SEL1L3: variants seen among roughly 807,000 people sequenced by gnomAD.
The protein encoded by SEL1L3 is protein sel-1 homolog 3.
Under a neutral mutation model 142.8 loss-of-function variants are expected in SEL1L3, and 76 were observed. The ratio of observed to expected loss-of-function variants is 0.53; its 90% CI spans 0.44 to 0.64. SEL1L3 has a LOEUF of 0.64. Ranked by LOEUF, SEL1L3 falls within the 30% of genes least tolerant of loss-of-function variation. SEL1L3 has a pLI of 0.00. For synonymous variants in SEL1L3, 504 were observed against 519.6 expected (o/e 0.97, Z 0.41); for missense variants, 1,262 against 1,381.7 (o/e 0.91, Z 1.37).
intron 9 of SEL1L3, among the ~76,000 whole-genome samples, chr4:25,806,826 T>A (rs980796071): frequency 4.6e-5 from 7 of 151,868 alleles, no homozygotes; most frequent in Non-Finnish European, 7.4e-5. Flanking sequence ...GTATTTTTTT[T>A]AAACTCCCCA....
intron 10 of SEL1L3, among the ~76,000 whole-genome samples, chr4:25,802,868 TA>T (rs1478657727): frequency 6.6e-6 from 1 of 152,110 alleles, no homozygotes; most frequent in African/African-American, 2.4e-5. Context: ...CTTGCCTTTT[TA>T]AAAAAATAAT....
At position 25,841,169 on chromosome 4, in the gene SEL1L3, A is replaced by G. The variant is rs376743607; in HGVS notation, c.734-5846T>C. Among the ~76,000 whole-genome samples the G allele has an allele frequency of 2.0e-5, 3 of 152,130 alleles. No homozygotes were observed. The South Asian group carries it at 6.2e-4, about 32-fold the overall frequency. ...CACCTCAGCCCCCCAAGTAGCTGGG[A>G]CCACAGATGCATGCCACCATGCCTG... is the stretch of plus-strand genomic sequence containing the variant. On this transcript the variant is annotated intron_variant, in intron 2 of 23. Coordinates refer to ENST00000399878, the MANE Select transcript of SEL1L3 (RefSeq NM_015187.5).
At chr4:25,733,791 C>G in the SEL1L3 span, among the ~76,000 whole-genome samples, 1 of 151,900 alleles carries the variant, frequency 6.6e-6, no homozygotes, top group African/African-American at 2.4e-5. Flanking sequence ...CTGGGATTAC[C>G]GATGTGAGCC....
intron 17 of SEL1L3, among the ~76,000 whole-genome samples, chr4:25,768,114 C>T (rs1029898305): frequency 6.6e-6 from 1 of 152,220 alleles, no homozygotes; most frequent in African/African-American, 2.4e-5. Context: ...GAGTTGTCTA[C>T]TAGCCTTCAG....
intron 1 of SEL1L3, 134 bp downstream of exon 1, chr4:25,862,541 G>C (rs913482975): frequency 5.1e-5 from 22 of 432,446 alleles, no homozygotes; most frequent in Non-Finnish European, 8.1e-5. Context: ...GGAACGCCCG[G>C]GGCGCAGCGA....
chr4:25,811,944 AG>A (rs1433083936), intron 9 of SEL1L3, among the ~76,000 whole-genome samples: 2 of 152,204 alleles, frequency 1.3e-5, no homozygotes, highest in Admixed American at 6.5e-5. Flanking sequence ...ATGGACCCGG[AG>A]GATAGGTTCG....
At chr4:25,811,462 T>C in intron 9 of SEL1L3, among the ~76,000 whole-genome samples, 1 of 151,338 alleles carries the variant, frequency 6.6e-6, no homozygotes, top group African/African-American at 2.5e-5. Context: ...GCAGAGTAAG[T>C]CCATAGAACT....
intron 1 of SEL1L3, among the ~76,000 whole-genome samples, chr4:25,849,509 G>C (rs924891812): frequency 2.1e-4 from 32 of 152,192 alleles, no homozygotes; most frequent in African/African-American, 7.7e-4. Flanking sequence ...GGAGAAAAGA[G>C]GTTACCAGGG....
At position 25,835,211 on chromosome 4, in the gene SEL1L3, C is replaced by T. The variant is rs761266053; in HGVS notation, c.846G>A (p.Arg282=). 222 of 1,613,902 alleles carry T rather than the reference C, an allele frequency of 1.4e-4. No homozygotes were observed. Among genetic ancestry groups the T allele is most frequent in the Non-Finnish European group, 1.2e-4 (143 of 1,179,894 alleles). The change falls in exon 3 of 24, where the codon AGG becomes AGA. Residue 282 remains arginine, a synonymous_variant. Transcript: ENST00000399878. ...NRELEATRRQ[R]MDYPVFTVSL... is the part of the protein sequence containing the mutation. ...CCCATCCTTACACTGGGTAATCCAT[C>T]CTCTGGCGTCGAGTGGCCTCCAGCT...
chr4:25,790,373 A>G (rs2109191083), intron 12 of SEL1L3, 82 bp downstream of exon 12: 1 of 1,323,270 alleles, frequency 7.6e-7, no homozygotes, highest in Non-Finnish European at 1.1e-6. Context: ...AAGCCACTGC[A>G]GTTTGAGATG....
At chr4:25,856,991 A>G (rs1337372352) in intron 1 of SEL1L3, among the ~76,000 whole-genome samples, 2 of 152,196 alleles carry the variant, frequency 1.3e-5, no homozygotes, top group African/African-American at 4.8e-5. Flanking sequence ...GTATGACAAG[A>G]AAACAATAAC....
intron 17 of SEL1L3, among the ~76,000 whole-genome samples, chr4:25,768,764 G>A (rs978442330): frequency 4.5e-4 from 69 of 151,754 alleles, no homozygotes; most frequent in African/African-American, 1.6e-3. Flanking sequence ...TGTGTGGCAG[G>A]GTATTCAAAA....
In SEL1L3 at chr4:25,862,891, C is replaced by G. The variant is rs1717834928; in HGVS notation, c.-55G>C. 2 of 1,040,504 alleles carry G rather than the reference C, an allele frequency of 1.9e-6. No homozygotes were observed. Among genetic ancestry groups the G allele is most frequent in the Non-Finnish European group, 2.3e-6 (2 of 867,250 alleles). 64.5% of individuals were successfully genotyped at this position (1,040,504 alleles called of 1,614,324 possible). A position where few individuals can be genotyped will look rare whatever the true frequency, so the allele number is the denominator to read the frequency against. On this transcript the variant is annotated 5_prime_UTR_variant, in exon 1 of 24. Transcript: ENST00000399878. ...AGGTCACCTGGTGCAGGGACCGGCC[C>G]CCGCCCGAGGCGCCACCTTCCCGCC...
At position 25,835,221 on chromosome 4, in the gene SEL1L3, C is replaced by G; in HGVS notation, c.836G>C (p.Arg279Pro). 6.2e-7 allele frequency: 1 copy of G among 1,614,002 alleles called. No individual in the cohort carries two copies. Among genetic ancestry groups the G allele is most frequent in the Non-Finnish European group, 8.5e-7 (1 of 1,179,878 alleles). Residue 279 changes from arginine to proline, a missense_variant, in exon 3 of 24, where the codon CGA (arginine) becomes CCA (proline). Physicochemically the swap from Arg to Pro is moderately radical, Grantham distance 103. This residue lies in a region of SEL1L3 where 689 missense variants were observed against 692.8 expected (regional missense o/e 0.99). Coordinates refer to ENST00000399878, the MANE Select transcript of SEL1L3 (RefSeq NM_015187.5). ...RFRNRELEAT[R>P]RQRMDYPVFT... ...CACTGGGTAATCCATCCTCTGGCGT[C>G]GAGTGGCCTCCAGCTCTCGGTTCCG...
chr4:25,791,352 C>G (rs1712322742), intron 11 of SEL1L3, among the ~76,000 whole-genome samples: 1 of 152,210 alleles, frequency 6.6e-6, no homozygotes, highest in Non-Finnish European at 1.5e-5. Flanking sequence ...AGGGAAAGTT[C>G]ACAAAATGTT....
chr4:25,734,374 T>C, the SEL1L3 span, among the ~76,000 whole-genome samples: 8 of 152,132 alleles, frequency 5.3e-5, no homozygotes, highest in African/African-American at 1.4e-4. Context: ...TAAAGGAACA[T>C]TGGATTTTGT....
intron 11 of SEL1L3, among the ~76,000 whole-genome samples, chr4:25,799,479 A>C (rs755090631): frequency 6.6e-6 from 1 of 152,194 alleles, no homozygotes; most frequent in Non-Finnish European, 1.5e-5. Context: ...TTCCGAGTAT[A>C]GTTCCATTCT....
intron 6 of SEL1L3, among the ~76,000 whole-genome samples, chr4:25,826,734 G>A (rs374541293): frequency 8.5e-5 from 13 of 152,208 alleles, no homozygotes; most frequent in Middle Eastern, 3.4e-3. Flanking sequence ...CTGTCGCCCC[G>A]GCTGGAGTAC....
chr4:25,784,830 A>G (rs1711678005), intron 13 of SEL1L3, among the ~76,000 whole-genome samples: 1 of 152,246 alleles, frequency 6.6e-6, no homozygotes, highest in East Asian at 1.9e-4. Context: ...GAAACTAACA[A>G]GGTTCTTCCA....
Sources: gnomAD v4.1 joint callset for allele counts (sites outside exome capture counted in the v4.1 genomes callset) on GRCh38, gnomAD v4.1.1 for gene constraint, gnomAD v4.1.1 regional missense constraint, MANE v1.5 for transcripts, NCBI Gene and HGNC (gene_info 2026-07-23, HGNC 2026-07-21) for gene names.